The following ACOT7 variants were observed in gnomAD, a reference collection of about 807,000 sequenced individuals.
ACOT7 encodes the protein acyl-CoA thioesterase 7.
In ACOT7, 12 loss-of-function variants were observed where a neutral mutation model predicts 40.2. The observed-to-expected ratio is 0.30, with a 90% CI of 0.19 to 0.48. The LOEUF (loss-of-function observed/expected upper bound fraction) is 0.48, where lower values mean the gene tolerates loss of function less well. Ranked by LOEUF, ACOT7 falls within the 20% of genes least tolerant of loss-of-function variation. ACOT7 has a pLI of 0.99. For missense variants in ACOT7, 395 were observed against 530.8 expected, an observed-to-expected ratio of 0.74 and a Z score of 2.51; for synonymous variants, 228 against 219.5, an observed-to-expected ratio of 1.04 and a Z score of -0.34.
intron 1 of ACOT7, among the ~76,000 whole-genome samples, chr1:6,365,636 T>C (rs1042292059): frequency 4.6e-5 from 7 of 151,350 alleles, no homozygotes; most frequent in Admixed American, 1.3e-4. Flanking sequence ...GGCATGGTAG[T>C]GGGCGCCTGT....
intron 5 of ACOT7, among the ~76,000 whole-genome samples, chr1:6,327,090 T>G (rs1176543263): frequency 6.6e-6 from 1 of 152,160 alleles, no homozygotes; most frequent in Non-Finnish European, 1.5e-5. Flanking sequence ...CAGGTCGCCT[T>G]CCAGGTGTGT....
chr1:6,313,653 C>T (rs911644652), intron 6 of ACOT7, among the ~76,000 whole-genome samples: 1 of 152,198 alleles, frequency 6.6e-6, no homozygotes, highest in Non-Finnish European at 1.5e-5. Context: ...ATGCCCTCCA[C>T]CCCTTTGGGG....
rs1370863945 is a variant in ACOT7 at position 6,359,039 on chromosome 1, A to C, written c.144-9173T>G. 1 of 814,400 alleles carries C rather than the reference A, an allele frequency of 1.2e-6. No homozygotes were observed. Among genetic ancestry groups the C allele is most frequent in the Non-Finnish European group, 1.8e-6 (1 of 549,988 alleles). The allele number at this position is 814,400 out of a possible 1,614,324, so 50.4% of individuals were successfully genotyped here. A position where few individuals can be genotyped will look rare whatever the true frequency, so the allele number is the denominator to read the frequency against. On this transcript the variant is annotated intron_variant, in intron 1 of 8. Coordinates refer to ENST00000361521, the MANE Select transcript of ACOT7 (RefSeq NM_007274.4). This position sits in a 1 kb window ranked among gnomAD's most constrained non-coding sequence, Gnocchi z 4.1. ...GCTGCCTCGCCAATCCAGAGCGTCT[A>C]CCAGAAACCGGTCGTCATGGAAACC...
At chr1:6,279,690 C>T (rs567337948) in intron 8 of ACOT7, among the ~76,000 whole-genome samples, 5 of 152,286 alleles carry the variant, frequency 3.3e-5, no homozygotes, top group East Asian at 1.9e-4. Flanking sequence ...TGGGAGAGGC[C>T]GGCACCCAAC....
At chr1:6,326,931 CAAAA>C (rs1163224507) in intron 5 of ACOT7, among the ~76,000 whole-genome samples, 2 of 61,186 alleles carry the variant, frequency 3.3e-5, no homozygotes, top group Non-Finnish European at 7.4e-5. Flanking sequence ...GACTCCAACT[CAAAA>C]AAAAAAAAAA....
chr1:6,336,387 A>G (rs1408986630), intron 3 of ACOT7, among the ~76,000 whole-genome samples: 1 of 150,064 alleles, frequency 6.7e-6, no homozygotes, highest in East Asian at 2.0e-4. Flanking sequence ...GCTCCCAGCT[A>G]TTTTTCTGGA....
intron 1 of ACOT7, among the ~76,000 whole-genome samples, chr1:6,366,573 T>A (rs1571346300): frequency 1.4e-5 from 2 of 145,150 alleles, no homozygotes; most frequent in South Asian, 4.3e-4. Context: ...GGTGACAGAG[T>A]GGGAGCCTAT....
intron 1 of ACOT7, among the ~76,000 whole-genome samples, chr1:6,357,605 A>G (rs371294515): frequency 1.2e-3 from 178 of 152,288 alleles, no homozygotes; most frequent in African/African-American, 4.0e-3. Flanking sequence ...GCCTGCAGAC[A>G]CTCGGAGCTT....
chr1:6,299,820 C>T lies in ACOT7; in HGVS notation c.713-4840G>A, dbSNP rs1453971816. On this transcript the variant is annotated intron_variant, in intron 6 of 8. Coordinates refer to ENST00000361521, the MANE Select transcript of ACOT7 (RefSeq NM_007274.4). This position sits in a 1 kb window ranked among gnomAD's most constrained non-coding sequence, Gnocchi z 4.1. ...TGACCACAACAGCTGGACTAGTGGTCCCACTCACACACACAGCCAGCACAG... is the reference window on the plus strand; with the variant it reads ...TGACCACAACAGCTGGACTAGTGGTTCCACTCACACACACAGCCAGCACAG... Among the ~76,000 whole-genome samples, 10 of 152,296 alleles carry T rather than the reference C, an allele frequency of 6.6e-5. No homozygotes were observed. The East Asian group carries it at 1.7e-3, about 26-fold the overall frequency.
rs76611606 is a variant in ACOT7, at chr1:6,274,481, C to T, written c.1014+6621G>A. On this transcript the variant is annotated intron_variant, in intron 8 of 8. Transcript: ENST00000361521. This position sits in a 1 kb window ranked among gnomAD's most constrained non-coding sequence, Gnocchi z 5.9. The stretch of plus-strand genomic sequence containing the variant: ...CTTCCGGACGCTCCAGCCCATGCCA[C>T]GCTGTCCTCTCGGCTGGCGCGGGGC... Among the ~76,000 whole-genome samples, 1,291 of 152,326 alleles carry T rather than the reference C, an allele frequency of 8.5e-3. 27 individuals are homozygous for T. The highest frequency in any genetic ancestry group is 0.028 in the African/African-American group (1,180 of 41,568).
At chr1:6,312,994 A>G (rs1196853116) in intron 6 of ACOT7, among the ~76,000 whole-genome samples, 1 of 152,220 alleles carries the variant, frequency 6.6e-6, no homozygotes, top group Non-Finnish European at 1.5e-5. Context: ...ACTCCAGACC[A>G]GTAGCCTCAG....
At chr1:6,357,020 C>T (rs1641764991) in intron 1 of ACOT7, among the ~76,000 whole-genome samples, 1 of 151,256 alleles carries the variant, frequency 6.6e-6, no homozygotes, top group Non-Finnish European at 1.5e-5. Context: ...GGTGGATCAC[C>T]TGAGGTCAGG....
chr1:6,295,055 C>T (rs1639774323), intron 6 of ACOT7, 75 bp from the exon 7 acceptor site: 10 of 1,200,306 alleles, frequency 8.3e-6, no homozygotes, highest in Non-Finnish European at 1.2e-5. Context: ...AAACAAGTTA[C>T]AACTCGAGCC....
In ACOT7 at chr1:6,275,083, C is replaced by G. The variant is rs766870884; in HGVS notation, c.1014+6019G>C. 7.2e-5 allele frequency among the ~76,000 whole-genome samples: 11 copies of G among 152,334 alleles called. No homozygotes were observed. The highest frequency in any genetic ancestry group is 3.4e-3 in the Middle Eastern group (1 of 294). ...TCTGGGGATGGGAAGCATCTGTGAG[C>G]AGACACACCAGCTCGCAGAGGGGTT... On this transcript the variant is annotated intron_variant, in intron 8 of 8. Transcript: ENST00000361521. The surrounding 1 kb of genome is among the most constrained non-coding windows in gnomAD (Gnocchi z 5.6).
chr1:6,379,053 G>A (rs1199290327), intron 1 of ACOT7, among the ~76,000 whole-genome samples: 2 of 151,526 alleles, frequency 1.3e-5, no homozygotes, highest in Admixed American at 6.6e-5. Context: ...CCGCCATCAC[G>A]CCTGGCTAAT....
At chr1:6,350,263 G>A (rs1286360916) in intron 1 of ACOT7, among the ~76,000 whole-genome samples, 5 of 152,144 alleles carry the variant, frequency 3.3e-5, no homozygotes, top group Non-Finnish European at 7.4e-5. Flanking sequence ...GCAAATTCCC[G>A]GGACCACCAC....
At position 6,299,125 on chromosome 1, in the gene ACOT7, G is replaced by A. The variant is rs766404049; in HGVS notation, c.713-4145C>T. ...CCATCACCTCCGCCACTGCCGGCTG[G>A]GTGACCTTGGGCAGGCAGGTTGCCC... is the stretch of plus-strand genomic sequence containing the variant. On this transcript the variant is annotated intron_variant, in intron 6 of 8. Transcript: ENST00000361521. The surrounding 1 kb of genome is among the most constrained non-coding windows in gnomAD (Gnocchi z 4.1). 1.3e-5 allele frequency among the ~76,000 whole-genome samples: 2 copies of A among 152,232 alleles called. No homozygotes were observed. The highest frequency in any genetic ancestry group is 2.9e-5 in the Non-Finnish European group (2 of 68,042).
chr1:6,361,472 T>C (rs1641893236), intron 1 of ACOT7, among the ~76,000 whole-genome samples: 1 of 152,170 alleles, frequency 6.6e-6, no homozygotes, highest in African/African-American at 2.4e-5. Context: ...AAGGGTAGAC[T>C]CAATAGAGTT....
chr1:6,291,412 G>C (rs1389174353), intron 7 of ACOT7, among the ~76,000 whole-genome samples: 1 of 152,012 alleles, frequency 6.6e-6, no homozygotes, highest in African/African-American at 2.4e-5. Flanking sequence ...AAGCTGGAAG[G>C]GGCAGGGACG....
Sources: gnomAD v4.1 joint callset for allele counts (sites outside exome capture counted in the v4.1 genomes callset) on GRCh38, gnomAD v4.1.1 for gene constraint, Gnocchi (gnomAD v3.1) non-coding constraint, MANE v1.5 for transcripts, NCBI Gene and HGNC (gene_info 2026-07-23, HGNC 2026-07-21) for gene names.